Variants in IL12RB2 observed in about 807,000 individuals in gnomAD.
IL12RB2 encodes interleukin-12 receptor subunit beta-2.
In IL12RB2, 82 loss-of-function variants were observed where a neutral mutation model predicts 89.4. The observed-to-expected ratio is 0.92, with a 90% CI of 0.77 to 1.10. The LOEUF is 1.10. IL12RB2 is among the 50% of genes least tolerant of loss of function. The pLI is 0.00. For synonymous variants in IL12RB2, 368 were observed against 370.1 expected (o/e 0.99, Z 0.07); for missense variants, 963 against 1,031.9 (o/e 0.93, Z 0.92).
intron 16 of IL12RB2, among the ~76,000 whole-genome samples, chr1:67,392,825 G>A (rs1395769808): frequency 6.6e-6 from 1 of 151,714 alleles, no homozygotes; most frequent in African/African-American, 2.4e-5. Context: ...AGTAGAGATG[G>A]GGTTTCACCA....
chr1:67,361,709 T>TA (rs942577770), intron 10 of IL12RB2, among the ~76,000 whole-genome samples: 1 of 150,858 alleles, frequency 6.6e-6, no homozygotes. Context: ...TATGAGAAGG[T>TA]AAAAAAAAGA....
In IL12RB2 at chr1:67,398,138, C is replaced by A. The variant is rs1314139375; in HGVS notation, c.*2049C>A. On this transcript the variant is annotated 3_prime_UTR_variant, in exon 17 of 17. Coordinates refer to ENST00000674203, the MANE Select transcript of IL12RB2 (RefSeq NM_001374259.2). ...TTTAGCTATTATTGTGCGGCACCCC[C>A]AATGGTTCCTTTCCTCTCAGCATCG... Among the ~76,000 whole-genome samples the A allele has an allele frequency of 6.6e-6, 1 of 152,156 alleles. No homozygotes were observed. Among genetic ancestry groups the A allele is most frequent in the Non-Finnish European group, 1.5e-5 (1 of 68,030 alleles).
At chr1:67,351,624 C>A (rs947801661) in intron 10 of IL12RB2, among the ~76,000 whole-genome samples, 15 of 152,062 alleles carry the variant, frequency 9.9e-5, no homozygotes, top group African/African-American at 3.6e-4. Flanking sequence ...CAGTGAGACC[C>A]CTTTCATCAA....
chr1:67,383,457 T>C (rs1353127073), intron 14 of IL12RB2, among the ~76,000 whole-genome samples: 1 of 152,146 alleles, frequency 6.6e-6, no homozygotes, highest in Non-Finnish European at 1.5e-5. Context: ...TCCCCTGAAG[T>C]CTTAGGCCAT....
chr1:67,387,645 A>G (rs1665349195), intron 15 of IL12RB2, among the ~76,000 whole-genome samples: 1 of 148,760 alleles, frequency 6.7e-6, no homozygotes, highest in Non-Finnish European at 1.5e-5. Context: ...TGGAGATTGC[A>G]GTGAATCGAG....
At chr1:67,378,570 G>T (rs1476496900) in intron 13 of IL12RB2, among the ~76,000 whole-genome samples, 1 of 152,148 alleles carries the variant, frequency 6.6e-6, no homozygotes. Context: ...TGTTAAGTGA[G>T]GCCAGGTGAT....
intron 9 of IL12RB2, among the ~76,000 whole-genome samples, chr1:67,344,654 T>G (rs1464341925): frequency 1.3e-5 from 2 of 152,232 alleles, no homozygotes; most frequent in African/African-American, 4.8e-5. Context: ...ATGTAATCAA[T>G]TTTTAAAATT....
Position 67,386,476 on chromosome 1 carries a change from C to T in IL12RB2, c.1856-103C>T, listed in dbSNP as rs1665158918. 51 of 825,386 alleles carry T rather than the reference C, an allele frequency of 6.2e-5. No individual in the cohort carries two copies. The East Asian group carries it at 7.1e-4, about 11-fold the overall frequency. The allele number at this position is 825,386 out of a possible 1,614,324, so 51.1% of individuals were successfully genotyped here. On this transcript the variant is annotated intron_variant, in intron 14 of 16. Coordinates refer to ENST00000674203, the MANE Select transcript of IL12RB2 (RefSeq NM_001374259.2). ...TTACCTTATTCTTGAGCACAGCTGC[C>T]CAGGAACTGTGGGTAAGGCCCAGAG...
chr1:67,330,628 A>C, intron 7 of IL12RB2, 32 bp from the exon 8 acceptor site: 1 of 1,081,308 alleles, frequency 9.2e-7, no homozygotes, highest in Non-Finnish European at 1.4e-6. Flanking sequence ...ATCTAGTATT[A>C]ATAGGCACTT....
At chr1:67,386,508 T>A (rs1665163526) in intron 14 of IL12RB2, 71 bp from the exon 15 acceptor site, 1 of 1,043,134 alleles carries the variant, frequency 9.6e-7, no homozygotes, top group Non-Finnish European at 1.5e-6. Flanking sequence ...AGAGGGCGCA[T>A]ACACCAATCA....
intron 11 of IL12RB2, 31 bp from the exon 12 acceptor site, chr1:67,372,405 G>T (rs753843216): frequency 8.7e-7 from 1 of 1,150,042 alleles, no homozygotes; most frequent in Non-Finnish European, 1.3e-6. Flanking sequence ...GTAATGGCAC[G>T]GCTGTTATGG....
chr1:67,333,178 G>C (rs1025723475), intron 8 of IL12RB2, among the ~76,000 whole-genome samples: 2 of 152,034 alleles, frequency 1.3e-5, no homozygotes, highest in Admixed American at 6.6e-5. Flanking sequence ...TTCTATGTTT[G>C]ATTTTTCTGT....
chr1:67,371,718 A>G (rs1305165179), intron 11 of IL12RB2, among the ~76,000 whole-genome samples: 4 of 152,242 alleles, frequency 2.6e-5, no homozygotes, highest in Non-Finnish European at 5.9e-5. Context: ...CAGAAAATTG[A>G]AAGTGCGGCG....
intron 13 of IL12RB2, among the ~76,000 whole-genome samples, chr1:67,375,163 G>A (rs915494827): frequency 1.3e-5 from 2 of 152,066 alleles, no homozygotes; most frequent in African/African-American, 4.8e-5. Context: ...GGGAGGCCGA[G>A]GTGGGCAGAT....
intron 10 of IL12RB2, among the ~76,000 whole-genome samples, chr1:67,366,426 G>C (rs1211406138): frequency 7.2e-6 from 1 of 138,308 alleles, no homozygotes; most frequent in Non-Finnish European, 1.5e-5. Flanking sequence ...ACTCCAGCCT[G>C]GGCAAGATAG....
intron 8 of IL12RB2, among the ~76,000 whole-genome samples, chr1:67,337,715 G>A (rs1466069380): frequency 6.6e-5 from 10 of 151,924 alleles, no homozygotes; most frequent in Admixed American, 6.6e-4. Context: ...AATGAGATAG[G>A]ACTTCCCTTT....
Position 67,386,409 on chromosome 1 carries a change from C to G in IL12RB2, c.1856-170C>G, listed in dbSNP as rs184362278. On this transcript the variant is annotated intron_variant, in intron 14 of 16. Transcript: ENST00000674203. ...CCTCTTGGAACCATAGAATTGGTCC[C>G]CTTAGGGTCCCATTTCCCGCACTGC... Among the ~76,000 whole-genome samples, 4 of 152,132 alleles carry G rather than the reference C, an allele frequency of 2.6e-5. No homozygotes were observed. The East Asian group carries it at 7.8e-4, about 30-fold the overall frequency.
At chr1:67,362,659 A>AG (rs897582759) in intron 10 of IL12RB2, among the ~76,000 whole-genome samples, 2 of 151,702 alleles carry the variant, frequency 1.3e-5, no homozygotes, top group African/African-American at 4.8e-5. Flanking sequence ...AAGTATTGAG[A>AG]GAAAAAAAGC....
At chr1:67,379,151 C>A (rs1327692173) in intron 13 of IL12RB2, among the ~76,000 whole-genome samples, 1 of 150,690 alleles carries the variant, frequency 6.6e-6, no homozygotes, top group South Asian at 2.1e-4. Flanking sequence ...GAGCCAAGAT[C>A]GTGCCACTGC....
Sources: allele counts gnomAD v4.1 joint callset (sites outside exome capture counted in the v4.1 genomes callset), GRCh38; gene constraint gnomAD v4.1.1; transcripts MANE v1.5; gene names NCBI Gene and HGNC (gene_info 2026-07-23, HGNC 2026-07-21).